The following KCNIP4 variants were observed in gnomAD, a reference collection of about 807,000 sequenced individuals.
KCNIP4 encodes potassium voltage-gated channel interacting protein 4, also known as Kv channel-interacting protein 4.
Under a neutral mutation model 34.0 loss-of-function variants are expected in KCNIP4, and 12 were observed. The ratio of observed to expected loss-of-function variants is 0.35; its 90% CI spans 0.23 to 0.57. KCNIP4 has a LOEUF of 0.57. Ranked by LOEUF, KCNIP4 falls within the 20% of genes least tolerant of loss-of-function variation. The pLI is 0.83. For missense variants in KCNIP4, 238 were observed against 311.7 expected, an observed-to-expected ratio of 0.76 and a Z score of 1.78; for synonymous variants, 124 against 102.2, an observed-to-expected ratio of 1.21 and a Z score of -1.29.
At chr4:21,830,561 C>A (rs1451223532) in intron 1 of KCNIP4, among the ~76,000 whole-genome samples, 1 of 152,018 alleles carries the variant, frequency 6.6e-6, no homozygotes, top group African/African-American at 2.4e-5. Flanking sequence ...GTAATCCCAG[C>A]TACTCAGGAA....
chr4:20,732,182 G>A (rs1370860696), intron 7 of KCNIP4, 114 bp from the exon 8 acceptor site: 12 of 712,556 alleles, frequency 1.7e-5, no homozygotes, highest in South Asian at 7.3e-5. Flanking sequence ...TTTATTTCAC[G>A]TGGAGGAACT....
At chr4:21,102,531 G>A (rs1368645) in intron 1 of KCNIP4, among the ~76,000 whole-genome samples, 10,383 of 152,186 alleles carry the variant, frequency 0.068, 479 homozygotes, top group East Asian at 0.18. Context: ...TATGGTTCTG[G>A]ATTGAGGATA....
chr4:21,515,851 A>G (rs7685957), intron 1 of KCNIP4, among the ~76,000 whole-genome samples: 48,972 of 151,926 alleles, frequency 0.32, 8,241 homozygotes, highest in South Asian at 0.46. Flanking sequence ...CTTGATGTTC[A>G]TCCTTCAGCC....
intron 1 of KCNIP4, among the ~76,000 whole-genome samples, chr4:21,369,620 T>C (rs1395400467): frequency 6.8e-6 from 1 of 146,738 alleles, no homozygotes; most frequent in Non-Finnish European, 1.5e-5. Context: ...AAAAGAAGAA[T>C]GTAATTTGTT....
rs971183570 is a variant in KCNIP4 at position 21,369,340 on chromosome 4, C to T, written c.62-486631G>A. ...ATTAATAAGATATATTTCTTGCCCT[C>T]TAAAAGATTCCAGAAGTTTAGTAGG... On this transcript the variant is annotated intron_variant, in intron 1 of 8. Coordinates refer to ENST00000382152, the MANE Select transcript of KCNIP4 (RefSeq NM_025221.6). Among the ~76,000 whole-genome samples the T allele has an allele frequency of 3.4e-5, 5 of 147,338 alleles. 1 individual carries two copies. Among genetic ancestry groups the T allele is most frequent in the African/African-American group, 1.4e-4 (5 of 36,982 alleles).
intron 1 of KCNIP4, among the ~76,000 whole-genome samples, chr4:21,103,779 C>T (rs1309285693): frequency 6.9e-6 from 1 of 145,010 alleles, no homozygotes; most frequent in East Asian, 2.1e-4. Flanking sequence ...GTTCCCCTTC[C>T]TGTGTCCATG....
rs146984688 is a variant in KCNIP4 at position 21,434,880 on chromosome 4, G to T, written c.61+513691C>A. The stretch of plus-strand genomic sequence containing the variant: ...TTCTGTGTCTAACTTTTTCTGGCTG[G>T]GTGTTCTAGATAAGTTACTGCTTTC... On this transcript the variant is annotated intron_variant, in intron 1 of 8. Coordinates refer to ENST00000382152, the MANE Select transcript of KCNIP4 (RefSeq NM_025221.6). Among the ~76,000 whole-genome samples the T allele has an allele frequency of 1.3e-3, 203 of 151,988 alleles. 5 individuals are homozygous for T. The East Asian group carries it at 0.035, about 26-fold the overall frequency.
At chr4:21,123,122 G>C (rs1403886019) in intron 1 of KCNIP4, among the ~76,000 whole-genome samples, 1 of 152,042 alleles carries the variant, frequency 6.6e-6, no homozygotes, top group African/African-American at 2.4e-5. Flanking sequence ...GCTGAGGCAG[G>C]AGAATGGCGT....
At chr4:21,529,915 T>C (rs997313309) in intron 1 of KCNIP4, among the ~76,000 whole-genome samples, 2 of 152,228 alleles carry the variant, frequency 1.3e-5, no homozygotes, top group African/African-American at 4.8e-5. Context: ...TTGATCAATC[T>C]AATGAATTGA....
intron 1 of KCNIP4, among the ~76,000 whole-genome samples, chr4:21,881,643 A>G (rs1351597510): frequency 1.3e-5 from 2 of 152,188 alleles, no homozygotes; most frequent in Non-Finnish European, 2.9e-5. Flanking sequence ...CAGAGTTAAA[A>G]AGCAGTAGTA....
intron 1 of KCNIP4, among the ~76,000 whole-genome samples, chr4:21,343,964 T>TA (rs1293189127): frequency 6.6e-6 from 1 of 152,098 alleles, no homozygotes; most frequent in East Asian, 1.9e-4. Context: ...TCACAGTTAG[T>TA]AAATAAACAT....
In KCNIP4 at chr4:21,247,865, T is replaced by C. The variant is rs575181716; in HGVS notation, c.62-365156A>G. 1.6e-3 allele frequency among the ~76,000 whole-genome samples: 200 copies of C among 122,408 alleles called. 2 individuals carry two copies. Among genetic ancestry groups the C allele is most frequent in the East Asian group, 4.4e-3 (19 of 4,340 alleles). The allele number at this position is 122,408 out of a possible 152,430, so 80.3% of individuals were successfully genotyped here. On this transcript the variant is annotated intron_variant, in intron 1 of 8. Transcript: ENST00000382152. Reference sequence around the variant, plus strand: ...ACAGGTGGAGATATATATATATATATACACACACACACACACACCACAGGT... The same window carrying C: ...ACAGGTGGAGATATATATATATATACACACACACACACACACACCACAGGT...
intron 1 of KCNIP4, among the ~76,000 whole-genome samples, chr4:21,321,965 A>G (rs1349300394): frequency 7.2e-6 from 1 of 138,500 alleles, no homozygotes; most frequent in Non-Finnish European, 1.6e-5. Context: ...AAAAGGAGGG[A>G]AAGAGAAATG....
intron 1 of KCNIP4, among the ~76,000 whole-genome samples, chr4:21,099,390 C>T (rs1747743510): frequency 6.6e-6 from 1 of 152,096 alleles, no homozygotes; most frequent in Non-Finnish European, 1.5e-5. Context: ...CATGTTCTCA[C>T]TTTTATGTGG....
At chr4:21,294,783 C>T (rs558400576) in intron 1 of KCNIP4, among the ~76,000 whole-genome samples, 23 of 152,274 alleles carry the variant, frequency 1.5e-4, no homozygotes, top group African/African-American at 5.3e-4. Context: ...ATGATTCTTG[C>T]TAGTTCCAAT....
intron 1 of KCNIP4, among the ~76,000 whole-genome samples, chr4:20,986,857 T>G (rs1476606755): frequency 6.6e-6 from 1 of 152,206 alleles, no homozygotes; most frequent in Non-Finnish European, 1.5e-5. Flanking sequence ...AATAGCATTC[T>G]CTACTTAGAA....
intron 1 of KCNIP4, among the ~76,000 whole-genome samples, chr4:21,006,400 A>G (rs1738561223): frequency 6.6e-6 from 1 of 152,218 alleles, no homozygotes; most frequent in Non-Finnish European, 1.5e-5. Flanking sequence ...ATTGGGCAAC[A>G]GCACATACCA....
intron 1 of KCNIP4, among the ~76,000 whole-genome samples, chr4:21,631,685 C>A (rs1241347860): frequency 2.0e-5 from 3 of 152,294 alleles, no homozygotes; most frequent in Admixed American, 6.5e-5. Context: ...CAATTCAATT[C>A]TATCTTTATG....
chr4:21,518,090 T>C (rs1237092125), intron 1 of KCNIP4, among the ~76,000 whole-genome samples: 3 of 152,114 alleles, frequency 2.0e-5, no homozygotes, highest in African/African-American at 7.2e-5. Flanking sequence ...ACTTTGAGAT[T>C]CCAAATCCTG....
Sources: allele counts gnomAD v4.1 joint callset (sites outside exome capture counted in the v4.1 genomes callset), GRCh38; gene constraint gnomAD v4.1.1; transcripts MANE v1.5; gene names NCBI Gene and HGNC (gene_info 2026-07-23, HGNC 2026-07-21).